ATAD1: variants seen among roughly 807,000 people sequenced by gnomAD.
The protein encoded by ATAD1 is outer mitochondrial transmembrane helix translocase.
Under a neutral mutation model 42.7 loss-of-function variants are expected in ATAD1, and 18 were observed. The ratio of observed to expected loss-of-function variants is 0.42; its 90% CI spans 0.29 to 0.63. ATAD1 has a LOEUF of 0.63. Ranked by LOEUF, ATAD1 falls within the 20% of genes least tolerant of loss-of-function variation. The pLI, the probability that ATAD1 is intolerant of heterozygous loss-of-function variation, is 0.19. For missense variants in ATAD1, 294 were observed against 440.4 expected, an observed-to-expected ratio of 0.67 and a Z score of 2.98; for synonymous variants, 132 against 143.1, an observed-to-expected ratio of 0.92 and a Z score of 0.55.
At chr10:87,792,997 T>A (rs905261510) in intron 2 of ATAD1, among the ~76,000 whole-genome samples, 2 of 152,122 alleles carry the variant, frequency 1.3e-5, no homozygotes, top group African/African-American at 4.8e-5. Flanking sequence ...AAATAGGGTA[T>A]GTGACTGAAG....
chr10:87,801,817 A>C (rs1051534812), intron 2 of ATAD1, among the ~76,000 whole-genome samples: 1 of 152,220 alleles, frequency 6.6e-6, no homozygotes, highest in South Asian at 2.1e-4. Flanking sequence ...TTGTGACATC[A>C]AAATAGAAGA....
chr10:87,821,438 A>G (rs1353492988), upstream of ATAD1, among the ~76,000 whole-genome samples: 2 of 152,148 alleles, frequency 1.3e-5, no homozygotes, highest in African/African-American at 4.8e-5. Context: ...AGGCTGAGGC[A>G]GGAGAATCAC....
At chr10:87,762,003 C>T (rs1020893211) in intron 8 of ATAD1, among the ~76,000 whole-genome samples, 1 of 152,110 alleles carries the variant, frequency 6.6e-6, no homozygotes, top group Non-Finnish European at 1.5e-5. Flanking sequence ...CCATGACCTT[C>T]AGAAGTGCTA....
intron 2 of ATAD1, among the ~76,000 whole-genome samples, chr10:87,801,328 A>G (rs1856681598): frequency 6.6e-6 from 1 of 152,218 alleles, no homozygotes; most frequent in South Asian, 2.1e-4. Flanking sequence ...ATGATAAATT[A>G]TGTCTTTTTT....
At chr10:87,828,610 G>A (rs915116712) in intron 1 of ATAD1, among the ~76,000 whole-genome samples, 1 of 152,222 alleles carries the variant, frequency 6.6e-6, no homozygotes, top group Admixed American at 6.5e-5. Flanking sequence ...TAAGATCATT[G>A]ATGAAGGTGG....
intron 1 of ATAD1, chr10:87,817,689 G>T: frequency 3.1e-6 from 3 of 974,420 alleles, no homozygotes; most frequent in Non-Finnish European, 3.7e-6. Context: ...CACAAAGAGG[G>T]CAGGTTATTA....
chr10:87,767,438 T>C (rs1854809432), intron 8 of ATAD1, among the ~76,000 whole-genome samples: 1 of 152,152 alleles, frequency 6.6e-6, no homozygotes, highest in Non-Finnish European at 1.5e-5. Context: ...TTTGCAATCC[T>C]ATGAGAATCC....
intron 7 of ATAD1, among the ~76,000 whole-genome samples, chr10:87,769,652 A>C (rs958104432): frequency 6.6e-6 from 1 of 152,202 alleles, no homozygotes; most frequent in Non-Finnish European, 1.5e-5. Flanking sequence ...TGCTCAATAA[A>C]TATTAGTCAT....
chr10:87,817,464 C>A (rs1857471003), intron 1 of ATAD1, among the ~76,000 whole-genome samples: 1 of 152,206 alleles, frequency 6.6e-6, no homozygotes, highest in African/African-American at 2.4e-5. Flanking sequence ...ATTTTAAGTT[C>A]TCCATTTCCG....
rs1854025846 is a variant in ATAD1 at position 87,751,600 on chromosome 10, T to C, written c.*3087A>G. 6.6e-6 allele frequency: 1 copy of C among 152,156 alleles called. No individual in the cohort carries two copies. The highest frequency in any genetic ancestry group is 1.9e-4 in the East Asian group (1 of 5,190). 9.4% of individuals were successfully genotyped at this position (152,156 alleles called of 1,614,324 possible). On this transcript the variant is annotated 3_prime_UTR_variant, in exon 10 of 10. Transcript: ENST00000680024. ...ATGATTTAGGCAGAATGTTTTCCTA[T>C]ACATGTAAATAAAGAGAACTTTAGC... is the stretch of plus-strand genomic sequence containing the variant.
intron 7 of ATAD1, among the ~76,000 whole-genome samples, chr10:87,768,700 T>G (rs1200863882): frequency 6.6e-6 from 1 of 152,248 alleles, no homozygotes; most frequent in South Asian, 2.1e-4. Flanking sequence ...CAACCCATTT[T>G]GATTACTCAC....
Position 87,754,375 on chromosome 10 carries a change from TA to T in ATAD1, c.*311del, listed in dbSNP as rs1476244039. 1 of 178,652 alleles carries T rather than the reference TA, an allele frequency of 5.6e-6. No individual in the cohort carries two copies. Among genetic ancestry groups the T allele is most frequent in the Non-Finnish European group, 1.2e-5 (1 of 84,306 alleles). 11.1% of individuals were successfully genotyped at this position (178,652 alleles called of 1,614,324 possible). ...ACCTAACCACATCCCCGTTTCTCAC[TA>T]ATGACCCAATGAATCATTTATGACT... On this transcript the variant is annotated 3_prime_UTR_variant, in exon 10 of 10. Coordinates refer to ENST00000680024, the MANE Select transcript of ATAD1 (RefSeq NM_001321967.2).
At chr10:87,778,043 C>T (rs1855387429) in intron 5 of ATAD1, among the ~76,000 whole-genome samples, 1 of 151,926 alleles carries the variant, frequency 6.6e-6, no homozygotes, top group Admixed American at 6.6e-5. Context: ...TCCTAATCTT[C>T]ACTAAGTGGT....
chr10:87,817,686 A>T, intron 1 of ATAD1: 5 of 969,184 alleles, frequency 5.2e-6, no homozygotes, highest in Non-Finnish European at 6.1e-6. Context: ...CTTCACAAAG[A>T]GGGCAGGTTA....
intron 4 of ATAD1, 62 bp from the exon 5 acceptor site, chr10:87,784,732 T>C: frequency 6.9e-7 from 1 of 1,459,186 alleles, no homozygotes; most frequent in Non-Finnish European, 9.4e-7. Flanking sequence ...TATATGATAA[T>C]CAATAGAATA....
In ATAD1 at chr10:87,756,804, G is replaced by T; in HGVS notation, c.950C>A (p.Ser317Tyr). The change falls in exon 9 of 10, where the codon TCT becomes TAT. Residue 317 changes from serine to tyrosine, a missense_variant. Ser to Tyr is a moderately radical substitution (Grantham distance 144). Transcript: ENST00000680024. The stretch of plus-strand genomic sequence containing the variant: ...AATAACATACCTTTCTTCTGATGTA[G>T]AATTAACATATTCTCTAACACAGAG... The part of the protein sequence containing the change: ...ALLCVREYVN[S>Y]TSEESHDEDE... 1 of 1,603,704 alleles carries T rather than the reference G, an allele frequency of 6.2e-7. No homozygotes were observed. Among genetic ancestry groups the T allele is most frequent in the Non-Finnish European group, 8.5e-7 (1 of 1,176,054 alleles).
chr10:87,788,382 T>C (rs1855935162), intron 4 of ATAD1, among the ~76,000 whole-genome samples: 1 of 152,178 alleles, frequency 6.6e-6, no homozygotes. Flanking sequence ...TATACACCAA[T>C]ATCCAATTTA....
intron 1 of ATAD1, among the ~76,000 whole-genome samples, chr10:87,834,171 A>G (rs942614143): frequency 1.3e-5 from 2 of 152,082 alleles, no homozygotes; most frequent in Non-Finnish European, 2.9e-5. Flanking sequence ...TAATATTTTT[A>G]TATACTGATG....
At chr10:87,806,593 T>G (rs1028690714) in intron 2 of ATAD1, among the ~76,000 whole-genome samples, 3 of 152,212 alleles carry the variant, frequency 2.0e-5, no homozygotes, top group Non-Finnish European at 2.9e-5. Context: ...TCACACTATA[T>G]GTACTCTTCT....
Sources: gnomAD v4.1 joint callset for allele counts (sites outside exome capture counted in the v4.1 genomes callset) on GRCh38, gnomAD v4.1.1 for gene constraint, MANE v1.5 for transcripts, NCBI Gene and HGNC (gene_info 2026-07-23, HGNC 2026-07-21) for gene names.